The following SNAPC5 variants were observed in gnomAD, a reference collection of about 807,000 sequenced individuals.
The protein encoded by SNAPC5 is snRNA-activating protein complex subunit 5.
In SNAPC5, 12 loss-of-function variants were observed where a neutral mutation model predicts 9.1. The ratio of observed to expected loss-of-function variants is 1.32; its 90% confidence interval spans 0.85 to 2.15. SNAPC5 has a LOEUF of 2.15. SNAPC5 is among the 30% of genes most tolerant of loss of function. SNAPC5 has a pLI of 0.00. For missense variants in SNAPC5, 132 were observed against 114.4 expected (o/e 1.15, Z -0.70); for synonymous variants, 52 against 47.3 (o/e 1.10, Z -0.41).
downstream of SNAPC5, chr15:66,492,436 CTTT>C (rs34751712): frequency 6.5e-6 from 1 of 153,840 alleles, no homozygotes; most frequent in Non-Finnish European, 1.4e-5. Context: ...AGCTAGTCAA[CTTT>C]TTTTTCTCTC....
chr15:66,495,406 G>C lies in SNAPC5; in HGVS notation c.104C>G (p.Ala35Gly). The change falls in exon 2 of 3, where the codon GCC becomes GGC. Residue 35 changes from alanine (A) to glycine (G), a missense_variant. By Grantham distance (60) the Ala-to-Gly change is moderately conservative (BLOSUM62 0). Transcript: ENST00000316634. ...QLNRLKVEEL[A>G]LQSMISSRRG... ...TCTAGAACTGATCATTGATTGGAGG[G>C]CTAATTCTTCAACCTAGAAAAGAAG... The C allele has an allele frequency of 6.3e-7, 1 of 1,597,674 alleles. No homozygotes were observed. The highest frequency in any genetic ancestry group is 8.6e-7 in the Non-Finnish European group (1 of 1,164,942).
intron 2 of SNAPC5, 43 bp downstream of exon 2, chr15:66,495,287 A>G (rs1893386831): frequency 8.9e-7 from 1 of 1,117,514 alleles, no homozygotes; most frequent in Non-Finnish European, 1.4e-6. Flanking sequence ...GGAGCAGAGC[A>G]GACTTTGCAT....
At chr15:66,489,849 C>T, downstream of SNAPC5, 1 of 1,111,366 alleles carries the variant, frequency 9.0e-7, no homozygotes, top group South Asian at 1.2e-5. Context: ...CTTCCAGAGC[C>T]CATTCATTCC....
chr15:66,489,994 A>AG, downstream of SNAPC5: 1 of 604,096 alleles, frequency 1.7e-6, no homozygotes, highest in Non-Finnish European at 2.9e-6. Context: ...GAAATGCCTG[A>AG]GGGGGCCATG....
intron 1 of SNAPC5, chr15:66,496,852 G>C (rs1213645721): frequency 6.6e-6 from 1 of 152,340 alleles, no homozygotes; most frequent in Non-Finnish European, 1.5e-5. Context: ...TTAGCCGGGC[G>C]TGGTGGTGCA....
At chr15:66,491,259 A>G (rs375853830), downstream of SNAPC5, 4 of 237,488 alleles carry the variant, frequency 1.7e-5, no homozygotes, top group Middle Eastern at 1.3e-3. Flanking sequence ...TTGTATTTCT[A>G]TATTTATTTT....
chr15:66,497,627 G>C lies in SNAPC5; in HGVS notation c.90+15C>G. ...GGAGGAATGGAGGAGGGGCAGGAGA[G>C]GGCCGCGGGGTCACCTTGAGGCGGT... On this transcript the variant is annotated intron_variant, in intron 1 of 2. Coordinates refer to ENST00000316634, the MANE Select transcript of SNAPC5 (RefSeq NM_001329615.2). 6.2e-7 allele frequency: 1 copy of C among 1,612,714 alleles called. No homozygotes were observed.
chr15:66,490,042 C>T (rs528170073), downstream of SNAPC5: 88 of 566,560 alleles, frequency 1.6e-4, no homozygotes, highest in Non-Finnish European at 2.4e-4. Context: ...CATGGGGATG[C>T]GGCCTTTCCC....
intron 1 of SNAPC5, 25 bp from the exon 2 acceptor site, chr15:66,495,444 T>G: frequency 7.6e-7 from 1 of 1,311,006 alleles, no homozygotes; most frequent in Non-Finnish European, 1.1e-6. Flanking sequence ...TTGAGGACAC[T>G]TTTCCTTACT....
chr15:66,495,722 T>C (rs1163034477), intron 1 of SNAPC5, among the ~76,000 whole-genome samples: 1 of 142,650 alleles, frequency 7.0e-6, no homozygotes, highest in Non-Finnish European at 1.6e-5. Flanking sequence ...CAGCCAGGTG[T>C]CATCTGATTC....
At chr15:66,489,886 G>T, downstream of SNAPC5, 1 of 871,998 alleles carries the variant, frequency 1.1e-6, no homozygotes. Context: ...AGCTGAGCCT[G>T]GGGCTGCAGA....
intron 1 of SNAPC5, 129 bp from the exon 2 acceptor site, chr15:66,495,548 A>T: frequency 4.7e-6 from 3 of 643,436 alleles, no homozygotes; most frequent in Non-Finnish European, 8.4e-6. Flanking sequence ...GTGTTGCTCT[A>T]GAGGGAAAGT....
chr15:66,495,860 T>A (rs1279185531), intron 1 of SNAPC5, among the ~76,000 whole-genome samples: 1 of 152,204 alleles, frequency 6.6e-6, no homozygotes, highest in Non-Finnish European at 1.5e-5. Context: ...TGGTCATCAA[T>A]ACACTCATTA....
Position 66,494,280 on chromosome 15 carries a change from T to C in SNAPC5, c.*156A>G. 1.5e-6 allele frequency: 1 copy of C among 646,948 alleles called. No individual in the cohort carries two copies. The highest frequency in any genetic ancestry group is 2.8e-6 in the Non-Finnish European group (1 of 360,796). 40.1% of individuals were successfully genotyped at this position (646,948 alleles called of 1,614,324 possible). On this transcript the variant is annotated 3_prime_UTR_variant, in exon 3 of 3. Transcript: ENST00000316634. ...AACATTCTGAAGCTTGAGTTACCGA[T>C]GGAGCCATTTTTGCAACTACACATC...
At chr15:66,495,947 G>GC (rs1893417204) in intron 1 of SNAPC5, among the ~76,000 whole-genome samples, 1 of 152,236 alleles carries the variant, frequency 6.6e-6, no homozygotes, top group African/African-American at 2.4e-5. Context: ...AGGAGGCCGG[G>GC]CGCGGTGGCT....
intron 2 of SNAPC5, 79 bp from the exon 3 acceptor site, chr15:66,494,631 A>G (rs1228470521): frequency 6.0e-6 from 6 of 995,328 alleles, no homozygotes; most frequent in African/African-American, 1.6e-5. Flanking sequence ...ATGACTTAAA[A>G]TCAGATCTCA....
intron 1 of SNAPC5, among the ~76,000 whole-genome samples, chr15:66,496,295 G>A (rs1595892637): frequency 2.0e-5 from 3 of 152,162 alleles, no homozygotes; most frequent in African/African-American, 4.8e-5. Flanking sequence ...GTGAAACCCC[G>A]TCTCTACTAA....
chr15:66,489,923 T>G (rs1193959979), downstream of SNAPC5: 38 of 738,204 alleles, frequency 5.1e-5, no homozygotes, highest in Non-Finnish European at 8.5e-5. Context: ...TCCTTTGCTC[T>G]CCCATCAGTT....
chr15:66,489,838 ACTTCCAGAG>A (rs1468285911), downstream of SNAPC5: 1 of 1,262,406 alleles, frequency 7.9e-7, no homozygotes, highest in East Asian at 2.3e-5. Context: ...TCTGTGCAGT[ACTTCCAGAG>A]CCCATTCATT....
Sources: allele counts gnomAD v4.1 joint callset (sites outside exome capture counted in the v4.1 genomes callset), GRCh38; gene constraint gnomAD v4.1.1; transcripts MANE v1.5; gene names NCBI Gene and HGNC (gene_info 2026-07-23, HGNC 2026-07-21).